DLGAP1: variants seen among roughly 807,000 people sequenced by gnomAD.
DLGAP1 encodes DLG associated protein 1, also known as disks large-associated protein 1.
DLGAP1 carries 11 observed loss-of-function variants against 90.8 expected under a neutral mutation model. The ratio of observed to expected loss-of-function variants is 0.12; its 90% confidence interval spans 0.08 to 0.20. The LOEUF (loss-of-function observed/expected upper bound fraction) is 0.20. DLGAP1 is among the 10% of genes least tolerant of loss of function. The pLI is 1.00. For synonymous variants in DLGAP1, 558 were observed against 540.7 expected (o/e 1.03, Z -0.44); for missense variants, 1,050 against 1,333.8 (o/e 0.79, Z 3.31).
At chr18:3,881,338 C>G (rs2071162984) in intron 3 of DLGAP1, among the ~76,000 whole-genome samples, 1 of 152,070 alleles carries the variant, frequency 6.6e-6, no homozygotes, top group Admixed American at 6.5e-5. Flanking sequence ...CTAGTCTCTA[C>G]ATGTTAATTG....
chr18:3,648,970 G>A (rs577367036), intron 7 of DLGAP1, among the ~76,000 whole-genome samples: 1 of 152,314 alleles, frequency 6.6e-6, no homozygotes, highest in Admixed American at 6.5e-5. Flanking sequence ...AAGTGCTCAA[G>A]GCCGCTTATT....
intron 7 of DLGAP1, among the ~76,000 whole-genome samples, chr18:3,700,124 G>A (rs998968061): frequency 3.9e-5 from 6 of 152,174 alleles, no homozygotes; most frequent in Non-Finnish European, 8.8e-5. Flanking sequence ...CCTTTCCAGG[G>A]TAGTGAAAGA....
intron 1 of DLGAP1, among the ~76,000 whole-genome samples, chr18:4,326,859 C>T (rs2080829422): frequency 1.3e-5 from 2 of 151,928 alleles, no homozygotes; most frequent in African/African-American, 2.4e-5. Context: ...GAGGGTGAAG[C>T]GTAGGAGAAG....
At chr18:4,351,481 G>A (rs1254303404) in intron 1 of DLGAP1, among the ~76,000 whole-genome samples, 1 of 152,122 alleles carries the variant, frequency 6.6e-6, no homozygotes, top group Non-Finnish European at 1.5e-5. Flanking sequence ...AGATTATTCT[G>A]ACTCGAAATC....
At chr18:3,964,448 C>T (rs1374596498) in intron 3 of DLGAP1, among the ~76,000 whole-genome samples, 1 of 152,060 alleles carries the variant, frequency 6.6e-6, no homozygotes, top group Non-Finnish European at 1.5e-5. Flanking sequence ...TTTGCATTTG[C>T]AGTGTTTGAG....
At chr18:3,829,344 G>T (rs1415512271) in intron 4 of DLGAP1, among the ~76,000 whole-genome samples, 1 of 151,398 alleles carries the variant, frequency 6.6e-6, no homozygotes, top group Non-Finnish European at 1.5e-5. Context: ...TTAAATAACG[G>T]TTAAGTTCCC....
At chr18:3,715,211 T>TA in intron 7 of DLGAP1, among the ~76,000 whole-genome samples, 1 of 152,236 alleles carries the variant, frequency 6.6e-6, no homozygotes, top group East Asian at 1.9e-4. Context: ...GTTTTTACTT[T>TA]TCCTAAAGTT....
chr18:4,215,467 T>G (rs2077934205), intron 1 of DLGAP1, among the ~76,000 whole-genome samples: 1 of 152,156 alleles, frequency 6.6e-6, no homozygotes, highest in Non-Finnish European at 1.5e-5. Context: ...GTATCTCATA[T>G]GATCCAGGTT....
rs76999532 is a variant in DLGAP1 at position 3,813,409 on chromosome 18, T to C, written c.1172+650A>G. ...CATCTAAGTTTTTGTAAGTGTACTC[T>C]ATGATGTGTGCACAGTGAAATCGCT... On this transcript the variant is annotated intron_variant, in intron 5 of 12. Transcript: ENST00000315677. Among the ~76,000 whole-genome samples the C allele has an allele frequency of 2.4e-3, 358 of 152,306 alleles. 5 individuals carry two copies. The East Asian group carries it at 0.048, about 20-fold the overall frequency.
At chr18:4,141,047 G>A (rs926882412) in intron 2 of DLGAP1, among the ~76,000 whole-genome samples, 8 of 151,848 alleles carry the variant, frequency 5.3e-5, no homozygotes, top group African/African-American at 1.9e-4. Flanking sequence ...TGTTCTATAT[G>A]CTTCTTGTAC....
chr18:3,752,323 C>G (rs910098781), intron 5 of DLGAP1, among the ~76,000 whole-genome samples: 4 of 151,940 alleles, frequency 2.6e-5, no homozygotes, highest in Non-Finnish European at 4.4e-5. Context: ...TTTTCATCAT[C>G]CCCTGATCCA....
chr18:4,405,511 T>A (rs1383141632), intron 1 of DLGAP1, among the ~76,000 whole-genome samples: 1 of 143,950 alleles, frequency 6.9e-6, no homozygotes, highest in Non-Finnish European at 1.6e-5. Flanking sequence ...CAAAGTGCCA[T>A]TTTTTTTCTT....
intron 4 of DLGAP1, among the ~76,000 whole-genome samples, chr18:3,818,777 G>C (rs2067239360): frequency 6.6e-6 from 1 of 151,488 alleles, no homozygotes; most frequent in Non-Finnish European, 1.5e-5. Flanking sequence ...TGTATTTTTA[G>C]TAGGATTGGG....
intron 2 of DLGAP1, among the ~76,000 whole-genome samples, chr18:4,008,958 C>T (rs1599317454): frequency 1.3e-5 from 2 of 152,054 alleles, no homozygotes; most frequent in East Asian, 1.9e-4. Flanking sequence ...GGCTGGAGTG[C>T]GGTGGCGCGA....
chr18:3,835,587 T>A (rs2068324445), intron 4 of DLGAP1, among the ~76,000 whole-genome samples: 2 of 146,962 alleles, frequency 1.4e-5, no homozygotes, highest in Non-Finnish European at 3.0e-5. Context: ...AAGTGGAAGT[T>A]GCGGTGAGCC....
At chr18:3,788,038 A>G (rs143159760) in intron 5 of DLGAP1, among the ~76,000 whole-genome samples, 3 of 152,324 alleles carry the variant, frequency 2.0e-5, no homozygotes, top group East Asian at 3.9e-4. Flanking sequence ...TGTGGGTCCA[A>G]TAGACTTTGT....
chr18:3,623,870 A>G (rs1378756669), intron 7 of DLGAP1, among the ~76,000 whole-genome samples: 1 of 150,808 alleles, frequency 6.6e-6, no homozygotes, highest in Non-Finnish European at 1.5e-5. Context: ...GGCAGCCTCC[A>G]GCCTTAGGAT....
chr18:4,120,092 G>C (rs1430044631), intron 2 of DLGAP1, among the ~76,000 whole-genome samples: 1 of 152,156 alleles, frequency 6.6e-6, no homozygotes, highest in Non-Finnish European at 1.5e-5. Context: ...TCACTACTTT[G>C]AAAATGAATA....
At chr18:4,197,091 T>G (rs2077511703) in intron 1 of DLGAP1, among the ~76,000 whole-genome samples, 3 of 149,310 alleles carry the variant, frequency 2.0e-5, no homozygotes, top group Admixed American at 6.7e-5. Flanking sequence ...GAGAATTGCT[T>G]GAACCTGGGA....
Sources: gnomAD v4.1 joint callset for allele counts (sites outside exome capture counted in the v4.1 genomes callset) on GRCh38, gnomAD v4.1.1 for gene constraint, MANE v1.5 for transcripts, NCBI Gene and HGNC (gene_info 2026-07-23, HGNC 2026-07-21) for gene names.